Variants in TUBGCP4 observed in about 807,000 individuals in gnomAD.
TUBGCP4 encodes the protein gamma-tubulin complex component 4.
TUBGCP4 carries 54 observed loss-of-function variants against 91.6 expected under a neutral mutation model. The ratio of observed to expected loss-of-function variants is 0.59; its 90% CI spans 0.47 to 0.74. The LOEUF is 0.74. Ranked by LOEUF, TUBGCP4 falls within the 30% of genes least tolerant of loss-of-function variation. TUBGCP4 has a pLI of 0.00. For synonymous variants in TUBGCP4, 297 were observed against 302.8 expected (o/e 0.98, Z 0.20); for missense variants, 593 against 800.9 (o/e 0.74, Z 3.13).
intron 9 of TUBGCP4, among the ~76,000 whole-genome samples, chr15:43,392,496 T>A (rs577568332): frequency 1.3e-5 from 2 of 152,126 alleles, no homozygotes; most frequent in East Asian, 3.9e-4. Context: ...TTTGTTTGTT[T>A]GTTTTGTTTT....
rs569292260 is a variant in TUBGCP4 at position 43,401,636 on chromosome 15, A to T, written c.1597-80A>T. On this transcript the variant is annotated intron_variant, in intron 14 of 17. Coordinates refer to ENST00000564079, the MANE Select transcript of TUBGCP4 (RefSeq NM_014444.5). The stretch of plus-strand genomic sequence containing the variant: ...AGATGAGTGGAGGCAAAGCATTTTC[A>T]TTTCAATCTGTCAGGCATCTTAATG... 2.7e-5 allele frequency: 40 copies of T among 1,478,736 alleles called. No individual in the cohort carries two copies. In the South Asian group the frequency reaches 4.4e-4, roughly 16 times the overall value. 91.6% of individuals were successfully genotyped at this position (1,478,736 alleles called of 1,614,324 possible).
intron 9 of TUBGCP4, among the ~76,000 whole-genome samples, chr15:43,388,525 A>C (rs1360796583): frequency 6.6e-6 from 1 of 152,216 alleles, no homozygotes; most frequent in African/African-American, 2.4e-5. Flanking sequence ...GGCAGTTTCT[A>C]GTCTAGAGGG....
At chr15:43,385,525 A>G in intron 7 of TUBGCP4, 1 of 514,276 alleles carries the variant, frequency 1.9e-6, no homozygotes, top group Non-Finnish European at 3.6e-6. Flanking sequence ...AAGCTGGTCG[A>G]CTGTGCAAGT....
In TUBGCP4 at chr15:43,409,389, T is replaced by TACTA; in HGVS notation, c.*4176_*4179dup. 3.6e-6 allele frequency: 2 copies of TACTA among 554,802 alleles called. No individual in the cohort carries two copies. Among genetic ancestry groups the TACTA allele is most frequent in the Non-Finnish European group, 6.4e-6 (2 of 313,282 alleles). 34.4% of individuals were successfully genotyped at this position (554,802 alleles called of 1,614,324 possible). Reference sequence around the variant, plus strand: ...AATCAGCAACCCTAATAGGGGTTTCTACTACTAAACATAAACATCAATCTT... The same window carrying TACTA: ...AATCAGCAACCCTAATAGGGGTTTCTACTAACTACTAAACATAAACATCAATCTT... On this transcript the variant is annotated 3_prime_UTR_variant, in exon 18 of 18. Coordinates refer to ENST00000564079, the MANE Select transcript of TUBGCP4 (RefSeq NM_014444.5).
chr15:43,403,342 A>G (rs2044736772), intron 15 of TUBGCP4: 1 of 188,674 alleles, frequency 5.3e-6, no homozygotes, highest in Non-Finnish European at 1.1e-5. Flanking sequence ...AACTGGTATT[A>G]AAAACAAGAG....
chr15:43,380,417 T>C (rs1022710942), intron 6 of TUBGCP4, among the ~76,000 whole-genome samples: 19 of 152,254 alleles, frequency 1.2e-4, no homozygotes, highest in Non-Finnish European at 2.6e-4. Flanking sequence ...TCTTTTTAAA[T>C]GTTTAGATCC....
At chr15:43,377,611 C>CAAAAAAAAAAAAA in intron 4 of TUBGCP4, 2 of 257,298 alleles carry the variant, frequency 7.8e-6, no homozygotes, top group Non-Finnish European at 6.7e-6. Flanking sequence ...GACCCTGTCT[C>CAAAAAAAAAAAAA]AAAAAAAAAA....
rs58356687 is a variant in TUBGCP4, at chr15:43,372,390, T to C, written c.78+958T>C. Among the ~76,000 whole-genome samples, 830 of 152,298 alleles carry C rather than the reference T, an allele frequency of 5.4e-3. 40 individuals carry two copies. In the East Asian group the frequency reaches 0.12, roughly 22 times the overall value. Reference sequence around the variant, plus strand: ...TTTCGTTATTATTTATGAACATGTATTTGGAGTTTGGGAGTTTAGGTGAAT... The same window carrying C: ...TTTCGTTATTATTTATGAACATGTACTTGGAGTTTGGGAGTTTAGGTGAAT... On this transcript the variant is annotated intron_variant, in intron 1 of 17. Coordinates refer to ENST00000564079, the MANE Select transcript of TUBGCP4 (RefSeq NM_014444.5).
Position 43,409,052 on chromosome 15 carries a change from A to G in TUBGCP4, c.*3838A>G. ...GGCACAGGAAGTACTTCCGGGTTCG[A>G]CAATGCTGATCCGCAATTAGAAGAC... On this transcript the variant is annotated 3_prime_UTR_variant, in exon 18 of 18. Coordinates refer to ENST00000564079, the MANE Select transcript of TUBGCP4 (RefSeq NM_014444.5). The G allele has an allele frequency of 6.2e-7, 1 of 1,614,250 alleles. No homozygotes were observed. The highest frequency in any genetic ancestry group is 1.1e-5 in the South Asian group (1 of 91,086).
intron 4 of TUBGCP4, 157 bp from the exon 5 acceptor site, chr15:43,377,690 C>G: frequency 1.7e-6 from 1 of 601,254 alleles, no homozygotes. Context: ...CAGCGAACCT[C>G]CACATCAAAT....
intron 5 of TUBGCP4, among the ~76,000 whole-genome samples, chr15:43,378,586 T>C (rs1212580289): frequency 6.6e-6 from 1 of 152,204 alleles, no homozygotes; most frequent in Non-Finnish European, 1.5e-5. Flanking sequence ...TTAATGTAAC[T>C]AGTAAACCAG....
chr15:43,383,282 C>T, intron 6 of TUBGCP4, 21 bp from the exon 7 acceptor site: 1 of 1,604,916 alleles, frequency 6.2e-7, no homozygotes, highest in South Asian at 1.1e-5. Context: ...TTCTGAGCCT[C>T]TTACTTTCTA....
At chr15:43,382,687 A>C (rs2044302592) in intron 6 of TUBGCP4, among the ~76,000 whole-genome samples, 1 of 152,232 alleles carries the variant, frequency 6.6e-6, no homozygotes, top group Admixed American at 6.5e-5. Flanking sequence ...AAGTTGGATC[A>C]CTTGGCTTAG....
intron 9 of TUBGCP4, among the ~76,000 whole-genome samples, chr15:43,393,550 C>G (rs573309354): frequency 6.6e-6 from 1 of 151,972 alleles, no homozygotes; most frequent in Non-Finnish European, 1.5e-5. Context: ...CACCCATTAA[C>G]TCGTTATTTA....
intron 5 of TUBGCP4, 45 bp downstream of exon 5, chr15:43,377,948 A>G (rs767667414): frequency 9.3e-6 from 13 of 1,403,606 alleles, no homozygotes; most frequent in Non-Finnish European, 1.3e-5. Flanking sequence ...GCACTGAGGG[A>G]ATATTACTAA....
chr15:43,375,122 T>G (rs562580857), intron 1 of TUBGCP4, among the ~76,000 whole-genome samples: 5 of 152,334 alleles, frequency 3.3e-5, no homozygotes, highest in African/African-American at 1.2e-4. Flanking sequence ...AGGCTGGTCT[T>G]GAACTCCTGA....
intron 9 of TUBGCP4, among the ~76,000 whole-genome samples, chr15:43,388,467 G>A (rs117582097): frequency 0.013 from 1,936 of 152,276 alleles, 20 homozygotes; most frequent in Non-Finnish European, 0.02. Flanking sequence ...CCATGTTCCT[G>A]TCCTTTCAAA....
chr15:43,392,305 T>C (rs947159572), intron 9 of TUBGCP4, among the ~76,000 whole-genome samples: 9 of 152,054 alleles, frequency 5.9e-5, no homozygotes. Context: ...CTCACAAGTT[T>C]TTGGCATGTA....
intron 1 of TUBGCP4, among the ~76,000 whole-genome samples, chr15:43,372,588 TAAG>T (rs1373788634): frequency 9.1e-6 from 1 of 110,136 alleles, no homozygotes; most frequent in Non-Finnish European, 1.7e-5. Context: ...TGGTCCAAAA[TAAG>T]AAGAGATAAC....
Sources: allele counts gnomAD v4.1 joint callset (sites outside exome capture counted in the v4.1 genomes callset), GRCh38; gene constraint gnomAD v4.1.1; transcripts MANE v1.5; gene names NCBI Gene and HGNC (gene_info 2026-07-23, HGNC 2026-07-21).